Variants in SLC13A1 observed in about 807,000 individuals in gnomAD.
SLC13A1 encodes Na(+)/sulfate cotransporter.
A neutral mutation model predicts 70.0 loss-of-function variants in SLC13A1; 65 were observed. The observed-to-expected ratio is 0.93, with a 90% confidence interval of 0.76 to 1.14. The LOEUF (loss-of-function observed/expected upper bound fraction) is 1.14, where lower values mean the gene tolerates loss of function less well. Among genes scored for constraint, SLC13A1 ranks in the 50% most tolerant of loss-of-function variants. The probability of loss-of-function intolerance (pLI) is 0.00; values close to 1 mark genes in which losing one functional copy is unlikely to be tolerated. For synonymous variants in SLC13A1, 275 were observed against 250.5 expected (o/e 1.10, Z -0.92); for missense variants, 726 against 717.8 (o/e 1.01, Z -0.13).
chr7:123,192,349 T>C (rs1467343150), intron 1 of SLC13A1, among the ~76,000 whole-genome samples: 3 of 152,194 alleles, frequency 2.0e-5, no homozygotes, highest in Admixed American at 1.3e-4. Context: ...TAATGACTTT[T>C]TCCTCCTTAC....
chr7:123,122,437 G>T (rs1414278924), intron 12 of SLC13A1, among the ~76,000 whole-genome samples: 1 of 152,008 alleles, frequency 6.6e-6, no homozygotes, highest in Non-Finnish European at 1.5e-5. Flanking sequence ...ATGGAAATTT[G>T]GGAGAAGATA....
intron 7 of SLC13A1, among the ~76,000 whole-genome samples, chr7:123,140,250 T>C (rs995066146): frequency 1.3e-5 from 2 of 152,120 alleles, no homozygotes; most frequent in African/African-American, 4.8e-5. Context: ...TATTTGCATA[T>C]GTTGACACAT....
intron 12 of SLC13A1, among the ~76,000 whole-genome samples, chr7:123,119,598 A>G (rs1481580805): frequency 2.0e-5 from 3 of 152,126 alleles, no homozygotes; most frequent in Admixed American, 2.0e-4. Context: ...CCTAAGTTAT[A>G]TTCTGCAGAG....
intron 11 of SLC13A1, 21 bp from the exon 12 acceptor site, chr7:123,123,256 A>T (rs1793448220): frequency 2.1e-6 from 3 of 1,414,276 alleles, no homozygotes; most frequent in African/African-American, 1.4e-5. Flanking sequence ...AAAATCCTAC[A>T]GTTACACATT....
chr7:123,154,424 T>C (rs1229325473), intron 6 of SLC13A1, among the ~76,000 whole-genome samples: 1 of 152,046 alleles, frequency 6.6e-6, no homozygotes, highest in Non-Finnish European at 1.5e-5. Context: ...ATCCTGCAGG[T>C]CCAGATGTAA....
At position 123,113,804 on chromosome 7, in the gene SLC13A1, A is replaced by T. The variant is rs1207634494; in HGVS notation, c.*1714T>A. ...TTTTTGCATTGGCCCATTAATAAAC[A>T]TAGATAAATAATGAACATGGCCAAT... On this transcript the variant is annotated 3_prime_UTR_variant, in exon 15 of 15. Transcript: ENST00000194130. 1.3e-5 allele frequency: 2 copies of T among 152,220 alleles called. No individual in the cohort carries two copies. Among genetic ancestry groups the T allele is most frequent in the African/African-American group, 2.4e-5 (1 of 41,462 alleles). The allele number at this position is 152,220 out of a possible 1,614,324, so 9.4% of individuals were successfully genotyped here. A position where few individuals can be genotyped will look rare whatever the true frequency, so the allele number is the denominator to read the frequency against.
chr7:123,134,419 A>T lies in SLC13A1; in HGVS notation c.923T>A (p.Leu308Gln), dbSNP rs772793282. 3.7e-6 allele frequency: 6 copies of T among 1,612,798 alleles called. No individual in the cohort carries two copies. Among genetic ancestry groups the T allele is most frequent in the Admixed American group, 3.3e-5 (2 of 59,872 alleles). Reference protein sequence around the residue: ...LSWIWLQWLFLGFNFKEMFKC... With the variant: ...LSWIWLQWLFQGFNFKEMFKC... ...TGAAATATTTACTTACTTGAATCCTAGGAAAAGCCACTGAAGCCAGATCCA... is the reference window on the plus strand; with the variant it reads ...TGAAATATTTACTTACTTGAATCCTTGGAAAAGCCACTGAAGCCAGATCCA... Residue 308 changes from leucine (L) to glutamine (Q), a missense_variant, in exon 8 of 15, where the codon CTA (leucine) becomes CAA (glutamine). Coordinates refer to ENST00000194130, the MANE Select transcript of SLC13A1 (RefSeq NM_022444.4).
At chr7:123,138,201 A>G (rs1434480668) in intron 7 of SLC13A1, among the ~76,000 whole-genome samples, 2 of 152,192 alleles carry the variant, frequency 1.3e-5, no homozygotes, top group Non-Finnish European at 2.9e-5. Context: ...TTCACTTAAC[A>G]TACTGACTTC....
chr7:123,170,861 G>A (rs1795247247), intron 3 of SLC13A1, among the ~76,000 whole-genome samples: 1 of 151,960 alleles, frequency 6.6e-6, no homozygotes, highest in South Asian at 2.1e-4. Flanking sequence ...CTACAGGGAT[G>A]AGCCACCGTG....
At chr7:123,116,153 C>G (rs1793174699) in intron 14 of SLC13A1, among the ~76,000 whole-genome samples, 1 of 152,094 alleles carries the variant, frequency 6.6e-6, no homozygotes, top group Non-Finnish European at 1.5e-5. Context: ...ATTTAACCTT[C>G]GATATTTTCT....
rs1208839471 is a variant in SLC13A1, at chr7:123,113,595, A to G, written c.*1923T>C. On this transcript the variant is annotated 3_prime_UTR_variant, in exon 15 of 15. Coordinates refer to ENST00000194130, the MANE Select transcript of SLC13A1 (RefSeq NM_022444.4). ...ATGCATCCATGATCTGATGCAATTC[A>G]GCAGTGATAAATTGAATGACTAGAA... 2 of 152,214 alleles carry G rather than the reference A, an allele frequency of 1.3e-5. No individual in the cohort carries two copies. Among genetic ancestry groups the G allele is most frequent in the Non-Finnish European group, 2.9e-5 (2 of 68,026 alleles). 9.4% of individuals were successfully genotyped at this position (152,214 alleles called of 1,614,324 possible).
rs1462242842 is a variant in SLC13A1, at chr7:123,113,612, T to A, written c.*1906A>T. The A allele has an allele frequency of 6.6e-6, 1 of 152,050 alleles. No homozygotes were observed. Among genetic ancestry groups the A allele is most frequent in the African/African-American group, 2.4e-5 (1 of 41,398 alleles). 9.4% of individuals were successfully genotyped at this position (152,050 alleles called of 1,614,324 possible). ...TGCAATTCAGCAGTGATAAATTGAA[T>A]GACTAGAAAAAAGCAGAAATGTAAT... On this transcript the variant is annotated 3_prime_UTR_variant, in exon 15 of 15. Transcript: ENST00000194130.
chr7:123,164,944 C>T (rs1795022413), intron 6 of SLC13A1, among the ~76,000 whole-genome samples: 1 of 151,626 alleles, frequency 6.6e-6, no homozygotes, highest in Admixed American at 6.6e-5. Context: ...AAGTCAAACC[C>T]CACAGGATTT....
chr7:123,183,305 T>C (rs768073422), intron 1 of SLC13A1, among the ~76,000 whole-genome samples: 2 of 152,152 alleles, frequency 1.3e-5, no homozygotes, highest in Non-Finnish European at 2.9e-5. Flanking sequence ...TGTTAAAAAA[T>C]AAAGTCTGAA....
At chr7:123,192,883 A>C (rs1796045298) in intron 1 of SLC13A1, among the ~76,000 whole-genome samples, 1 of 152,168 alleles carries the variant, frequency 6.6e-6, no homozygotes. Context: ...CTACAAAGTC[A>C]AGGAGAAATA....
intron 1 of SLC13A1, chr7:123,186,733 C>T (rs1795814589): frequency 2.2e-6 from 1 of 455,254 alleles, no homozygotes. Context: ...CATCCGATAT[C>T]GTTATTACAA....
At chr7:123,164,220 T>C (rs1203720604) in intron 6 of SLC13A1, among the ~76,000 whole-genome samples, 1 of 151,990 alleles carries the variant, frequency 6.6e-6, no homozygotes, top group Non-Finnish European at 1.5e-5. Flanking sequence ...GTATATTTCT[T>C]AACTAATATT....
At chr7:123,160,008 G>A (rs1585351406) in intron 6 of SLC13A1, among the ~76,000 whole-genome samples, 2 of 152,004 alleles carry the variant, frequency 1.3e-5, no homozygotes, top group Non-Finnish European at 2.9e-5. Flanking sequence ...CCTTATAAAA[G>A]CTGGTAGTGT....
intron 8 of SLC13A1, 151 bp from the exon 9 acceptor site, chr7:123,129,632 C>G: frequency 1.7e-6 from 1 of 597,512 alleles, no homozygotes. Flanking sequence ...GATATCTGTG[C>G]TTTTCACCTC....
Sources: gnomAD v4.1 joint callset for allele counts (sites outside exome capture counted in the v4.1 genomes callset) on GRCh38, gnomAD v4.1.1 for gene constraint, MANE v1.5 for transcripts, NCBI Gene and HGNC (gene_info 2026-07-23, HGNC 2026-07-21) for gene names.